Variants in PELI1 observed in about 807,000 individuals in gnomAD.
PELI1 encodes pellino E3 ubiquitin protein ligase 1.
PELI1 carries 15 observed loss-of-function variants against 41.3 expected under a neutral mutation model. That is an observed-to-expected ratio of 0.36 (90% CI 0.24 to 0.56). PELI1 has a LOEUF of 0.56. Among genes scored for constraint, PELI1 ranks in the 20% least tolerant of loss-of-function variants. The pLI is 0.82. For missense variants in PELI1, 403 were observed against 525.5 expected (o/e 0.77, Z 2.28); for synonymous variants, 178 against 180.1 (o/e 0.99, Z 0.09).
chr2:64,116,940 A>T (rs573384919), intron 1 of PELI1, among the ~76,000 whole-genome samples: 1 of 152,216 alleles, frequency 6.6e-6, no homozygotes, highest in African/African-American at 2.4e-5. Flanking sequence ...TGTATCTGTT[A>T]TGGTGGTCTG....
chr2:64,142,772 TG>T (rs1409388143), intron 1 of PELI1, among the ~76,000 whole-genome samples: 3 of 152,180 alleles, frequency 2.0e-5, no homozygotes, highest in Non-Finnish European at 4.4e-5. Flanking sequence ...CACCCTATTA[TG>T]AAAACTTAAT....
At chr2:64,130,446 G>A (rs1477852574) in intron 1 of PELI1, among the ~76,000 whole-genome samples, 1 of 152,198 alleles carries the variant, frequency 6.6e-6, no homozygotes, top group Non-Finnish European at 1.5e-5. Flanking sequence ...TTCCCAGTCT[G>A]AAAGTTTTTC....
At chr2:64,115,730 T>C (rs1209815126) in intron 1 of PELI1, among the ~76,000 whole-genome samples, 1 of 152,206 alleles carries the variant, frequency 6.6e-6, no homozygotes, top group African/African-American at 2.4e-5. Flanking sequence ...ATGTCATTAC[T>C]CCACACCCTA....
chr2:64,106,032 C>T (rs2103685821), intron 2 of PELI1: 1 of 152,288 alleles, frequency 6.6e-6, no homozygotes, highest in African/African-American at 2.4e-5. Context: ...AAATAAAATA[C>T]TTTGTATTGG....
intron 4 of PELI1, among the ~76,000 whole-genome samples, chr2:64,098,140 G>A (rs115376515): frequency 0.017 from 2,575 of 152,120 alleles, 35 homozygotes; most frequent in South Asian, 0.031. Context: ...ACAATGAGAA[G>A]GAAGAAACTT....
chr2:64,113,459 A>G (rs529560600), intron 1 of PELI1, among the ~76,000 whole-genome samples: 23 of 152,274 alleles, frequency 1.5e-4, no homozygotes, highest in African/African-American at 5.3e-4. Context: ...GTTATCTAGC[A>G]CCAAGAACAT....
intron 2 of PELI1, 128 bp downstream of exon 2, chr2:64,108,112 C>G: frequency 1.6e-6 from 1 of 614,624 alleles, no homozygotes. Flanking sequence ...GTAACATTAC[C>G]TGTAGCTTTA....
Position 64,094,980 on chromosome 2 carries a change from C to A in PELI1, c.979G>T (p.Asp327Tyr). 6.2e-7 allele frequency: 1 copy of A among 1,614,234 alleles called. No homozygotes were observed. Among genetic ancestry groups the A allele is most frequent in the South Asian group, 1.1e-5 (1 of 91,088 alleles). Residue 327 changes from aspartate (D) to tyrosine (Y), a missense_variant, in exon 7 of 7, where the codon GAT becomes TAT. Asp to Tyr is a radical substitution (Grantham distance 160, BLOSUM62 -3). Coordinates refer to ENST00000358912, the MANE Select transcript of PELI1 (RefSeq NM_020651.4). ...YHNWGNKEER[D>Y]GKDRECPMCR... ...ATAGGACATTCACGATCTTTTCCAT[C>A]ACGTTCTTCTTTGTTTCCCCAGTTA... is the stretch of plus-strand genomic sequence containing the variant.
chr2:64,110,634 A>C (rs1426416525), intron 1 of PELI1, among the ~76,000 whole-genome samples: 1 of 152,186 alleles, frequency 6.6e-6, no homozygotes, highest in Non-Finnish European at 1.5e-5. Context: ...GAAAGTGAAA[A>C]CTATAATACA....
intron 1 of PELI1, among the ~76,000 whole-genome samples, chr2:64,140,467 A>G (rs1286833421): frequency 6.6e-6 from 1 of 152,148 alleles, no homozygotes; most frequent in African/African-American, 2.4e-5. Context: ...AAAATTGTCA[A>G]TTCTTCTTAA....
At chr2:64,129,864 T>C (rs1010951905) in intron 1 of PELI1, among the ~76,000 whole-genome samples, 11 of 152,224 alleles carry the variant, frequency 7.2e-5, no homozygotes, top group African/African-American at 1.7e-4. Context: ...TCTTAAATGA[T>C]AGAAGATTAA....
chr2:64,119,495 GCTGT>G (rs1681133513), intron 1 of PELI1, among the ~76,000 whole-genome samples: 1 of 152,184 alleles, frequency 6.6e-6, no homozygotes, highest in African/African-American at 2.4e-5. Flanking sequence ...TGAATAGCTG[GCTGT>G]CTGTTCACAG....
intron 1 of PELI1, among the ~76,000 whole-genome samples, chr2:64,130,899 T>G (rs903477228): frequency 1.3e-5 from 2 of 152,236 alleles, no homozygotes; most frequent in African/African-American, 4.8e-5. Flanking sequence ...ATTTTTTATT[T>G]CATTTCATAC....
chr2:64,094,905 C>G lies in PELI1; in HGVS notation c.1054G>C (p.Gly352Arg), dbSNP rs1261780760. 6.2e-7 allele frequency: 1 copy of G among 1,614,074 alleles called. No individual in the cohort carries two copies. The highest frequency in any genetic ancestry group is 8.5e-7 in the Non-Finnish European group (1 of 1,180,046). The stretch of plus-strand genomic sequence containing the variant: ...GGAGGGCCGGCGTCCACATAAAATC[C>G]AGCTTCACATCCAAGCCACAGAGGA... ...YVPLWLGCEA[G>R]FYVDAGPPTH... is the part of the protein sequence containing the mutation. Residue 352 changes from glycine to arginine, a missense_variant, in exon 7 of 7, where the codon GGA becomes CGA. Transcript: ENST00000358912.
At chr2:64,140,811 A>AAAAAAAAAC in intron 1 of PELI1, among the ~76,000 whole-genome samples, 1 of 147,660 alleles carries the variant, frequency 6.8e-6, no homozygotes, top group East Asian at 1.9e-4. Context: ...AAACAAACAA[A>AAAAAAAAAC]AAAAAACCTA....
At chr2:64,136,403 C>T (rs1681718338) in intron 1 of PELI1, among the ~76,000 whole-genome samples, 1 of 152,082 alleles carries the variant, frequency 6.6e-6, no homozygotes, top group South Asian at 2.1e-4. Context: ...ATACATACAT[C>T]TACACACACT....
At chr2:64,124,648 C>A (rs1231242614) in intron 1 of PELI1, among the ~76,000 whole-genome samples, 1 of 152,202 alleles carries the variant, frequency 6.6e-6, no homozygotes, top group Non-Finnish European at 1.5e-5. Context: ...ATCTCATAAT[C>A]TGTTTCAGAC....
chr2:64,132,201 T>A (rs1266367525), intron 1 of PELI1, among the ~76,000 whole-genome samples: 1 of 152,098 alleles, frequency 6.6e-6, no homozygotes, highest in Non-Finnish European at 1.5e-5. Flanking sequence ...GCTGAGAACT[T>A]TATATATTAT....
intron 1 of PELI1, among the ~76,000 whole-genome samples, chr2:64,142,163 C>T (rs1681932731): frequency 6.6e-6 from 1 of 152,194 alleles, no homozygotes; most frequent in Non-Finnish European, 1.5e-5. Flanking sequence ...ACATTCACTA[C>T]ATGAGACACT....
Sources: gnomAD v4.1 joint callset for allele counts (sites outside exome capture counted in the v4.1 genomes callset) on GRCh38, gnomAD v4.1.1 for gene constraint, MANE v1.5 for transcripts, NCBI Gene and HGNC (gene_info 2026-07-23, HGNC 2026-07-21) for gene names.